The following MB21D2 variants were observed in gnomAD, a reference collection of about 807,000 sequenced individuals.
The protein encoded by MB21D2 is Mab-21 domain containing 2.
In MB21D2, 9 loss-of-function variants were observed where a neutral mutation model predicts 33.3. The ratio of observed to expected loss-of-function variants is 0.27; its 90% CI spans 0.16 to 0.47. The LOEUF (loss-of-function observed/expected upper bound fraction) is 0.47. MB21D2 is among the 20% of genes least tolerant of loss of function. The pLI is 0.99. For synonymous variants in MB21D2, 241 were observed against 236.3 expected (o/e 1.02, Z -0.18); for missense variants, 540 against 624.6 (o/e 0.86, Z 1.44).
At chr3:192,807,238 C>T (rs920707602) in intron 1 of MB21D2, among the ~76,000 whole-genome samples, 1 of 151,856 alleles carries the variant, frequency 6.6e-6, no homozygotes, top group African/African-American at 2.4e-5. Context: ...ATTAGCCCTA[C>T]CTAGCAGCTT....
At chr3:192,862,816 T>C (rs930004976) in intron 1 of MB21D2, among the ~76,000 whole-genome samples, 16 of 152,172 alleles carry the variant, frequency 1.1e-4, no homozygotes, top group African/African-American at 3.4e-4. Context: ...ACAATGTAAA[T>C]GTATTGTTCA....
chr3:192,873,323 G>A (rs1713353101), intron 1 of MB21D2, among the ~76,000 whole-genome samples: 1 of 152,088 alleles, frequency 6.6e-6, no homozygotes, highest in Non-Finnish European at 1.5e-5. Flanking sequence ...GTGGTCCCCT[G>A]GAAACTTCCC....
intron 1 of MB21D2, among the ~76,000 whole-genome samples, chr3:192,901,094 G>A (rs1446437374): frequency 1.3e-5 from 2 of 152,154 alleles, no homozygotes; most frequent in South Asian, 4.1e-4. Context: ...AACGGCCCGA[G>A]ATGGCAGAGA....
chr3:192,829,507 G>A (rs375877071), intron 1 of MB21D2, among the ~76,000 whole-genome samples: 18 of 152,160 alleles, frequency 1.2e-4, no homozygotes, highest in Non-Finnish European at 7.3e-5. Flanking sequence ...TGTATGGACC[G>A]GATGACATTT....
intron 1 of MB21D2, among the ~76,000 whole-genome samples, chr3:192,877,870 C>T (rs1009386380): frequency 6.6e-6 from 1 of 151,678 alleles, no homozygotes; most frequent in Non-Finnish European, 1.5e-5. Flanking sequence ...TTCTGATGGG[C>T]ATTTCTGTTG....
At chr3:192,869,318 G>GCGGGAAAA in intron 1 of MB21D2, among the ~76,000 whole-genome samples, 1 of 136,750 alleles carries the variant, frequency 7.3e-6, no homozygotes, top group East Asian at 2.3e-4. Flanking sequence ...AGGAGGGAAG[G>GCGGGAAAA]AGGGAAAAAG....
chr3:192,885,425 A>G (rs1713710009), intron 1 of MB21D2, among the ~76,000 whole-genome samples: 1 of 152,064 alleles, frequency 6.6e-6, no homozygotes. Context: ...ATAAATATCA[A>G]ATTTGTGACC....
Position 192,886,991 on chromosome 3 carries a change from GA to G in MB21D2, c.211+30638del, listed in dbSNP as rs11395740. On this transcript the variant is annotated intron_variant, in intron 1 of 1. Coordinates refer to ENST00000392452, the MANE Select transcript of MB21D2 (RefSeq NM_178496.4). ...CTGTCAAGCTGTAAGTTAAGGAAAG[GA>G]AAAAAAAAAAATCCCCACTTTCGCC... 3.5e-3 allele frequency among the ~76,000 whole-genome samples: 505 copies of G among 144,350 alleles called. 5 individuals are homozygous for G. Among genetic ancestry groups the G allele is most frequent in the South Asian group, 0.021 (98 of 4,570 alleles). The allele number at this position is 144,350 out of a possible 152,430, so 94.7% of individuals were successfully genotyped here.
chr3:192,839,602 ATACATAT>A (rs1399191101), intron 1 of MB21D2, among the ~76,000 whole-genome samples: 1 of 152,248 alleles, frequency 6.6e-6, no homozygotes, highest in Non-Finnish European at 1.5e-5. Flanking sequence ...ATGTCTACAT[ATACATAT>A]ATGTGTCTGT....
chr3:192,837,704 G>A (rs1431825529), intron 1 of MB21D2, among the ~76,000 whole-genome samples: 4 of 152,148 alleles, frequency 2.6e-5, no homozygotes, highest in East Asian at 1.9e-4. Context: ...ATTCCAAAAC[G>A]CCATCCTAGG....
At chr3:192,853,056 G>C (rs983708902) in intron 1 of MB21D2, among the ~76,000 whole-genome samples, 3 of 145,716 alleles carry the variant, frequency 2.1e-5, no homozygotes, top group Non-Finnish European at 3.0e-5. Context: ...CTCTCTCTCT[G>C]AGACCATTTT....
intron 1 of MB21D2, among the ~76,000 whole-genome samples, chr3:192,861,506 T>A (rs1713040644): frequency 6.6e-6 from 1 of 152,226 alleles, no homozygotes; most frequent in Non-Finnish European, 1.5e-5. Flanking sequence ...ACAGTGACCT[T>A]TAACATAGAC....
chr3:192,840,899 C>A (rs1458639562), intron 1 of MB21D2, among the ~76,000 whole-genome samples: 1 of 152,074 alleles, frequency 6.6e-6, no homozygotes, highest in Non-Finnish European at 1.5e-5. Flanking sequence ...TAATTAACAC[C>A]AAAGCTTATA....
At chr3:192,881,490 G>GAC (rs1305821509) in intron 1 of MB21D2, among the ~76,000 whole-genome samples, 3 of 152,026 alleles carry the variant, frequency 2.0e-5, no homozygotes, top group African/African-American at 7.3e-5. Context: ...AAATTTAACT[G>GAC]ACACACACAC....
intron 1 of MB21D2, among the ~76,000 whole-genome samples, chr3:192,807,464 G>A (rs763425950): frequency 1.3e-5 from 2 of 152,084 alleles, no homozygotes; most frequent in Non-Finnish European, 2.9e-5. Flanking sequence ...GCTTGTGATG[G>A]AGATGCTCTG....
At chr3:192,813,121 C>A (rs1054289134) in intron 1 of MB21D2, among the ~76,000 whole-genome samples, 1 of 152,110 alleles carries the variant, frequency 6.6e-6, no homozygotes, top group Non-Finnish European at 1.5e-5. Flanking sequence ...TGTAACTTTT[C>A]TGTTTAGTTT....
At chr3:192,847,114 G>A (rs1712694062) in intron 1 of MB21D2, among the ~76,000 whole-genome samples, 1 of 152,146 alleles carries the variant, frequency 6.6e-6, no homozygotes, top group East Asian at 1.9e-4. Flanking sequence ...CAAGGGAGCT[G>A]TAAGGAATCT....
intron 1 of MB21D2, among the ~76,000 whole-genome samples, chr3:192,815,746 G>C (rs911569978): frequency 2.0e-5 from 3 of 152,084 alleles, no homozygotes; most frequent in African/African-American, 7.2e-5. Flanking sequence ...TAACCACCCA[G>C]GTATTCATTT....
At chr3:192,858,101 G>A (rs1205961975) in intron 1 of MB21D2, among the ~76,000 whole-genome samples, 1 of 152,026 alleles carries the variant, frequency 6.6e-6, no homozygotes, top group African/African-American at 2.4e-5. Context: ...CTCCAGCCTG[G>A]GCAACAAGAG....
Sources: gnomAD v4.1 joint callset for allele counts (sites outside exome capture counted in the v4.1 genomes callset) on GRCh38, gnomAD v4.1.1 for gene constraint, MANE v1.5 for transcripts, NCBI Gene and HGNC (gene_info 2026-07-23, HGNC 2026-07-21) for gene names.